The following ADAM12 variants were observed in gnomAD, a reference collection of about 807,000 sequenced individuals.
The protein encoded by ADAM12 is disintegrin and metalloproteinase domain-containing protein 12.
ADAM12 carries 70 observed loss-of-function variants against 106.4 expected under a neutral mutation model. The observed-to-expected ratio is 0.66, with a 90% CI of 0.54 to 0.80. The LOEUF (loss-of-function observed/expected upper bound fraction) is 0.80, where lower values mean the gene tolerates loss of function less well. Ranked by LOEUF, ADAM12 falls within the 30% of genes least tolerant of loss-of-function variation. The pLI is 0.00. For synonymous variants in ADAM12, 420 were observed against 433.5 expected (o/e 0.97, Z 0.39); for missense variants, 1,010 against 1,171.9 (o/e 0.86, Z 2.02).
At chr10:126,111,111 T>G (rs1413144206) in intron 6 of ADAM12, among the ~76,000 whole-genome samples, 1 of 152,194 alleles carries the variant, frequency 6.6e-6, no homozygotes. Context: ...GAAAAATGTT[T>G]GTATTATAGC....
intron 3 of ADAM12, among the ~76,000 whole-genome samples, chr10:126,171,498 T>C (rs12777779): frequency 0.071 from 10,851 of 152,304 alleles, 460 homozygotes; most frequent in Non-Finnish European, 0.1. Flanking sequence ...CTTACTTGGA[T>C]TGCATTTTTA....
intron 2 of ADAM12, among the ~76,000 whole-genome samples, chr10:126,290,176 G>A (rs1409397040): frequency 3.3e-5 from 5 of 152,120 alleles, no homozygotes; most frequent in Admixed American, 6.6e-5. Context: ...GCTGGGAACC[G>A]CCCTCAACCG....
At chr10:126,099,452 C>T (rs74232074) in intron 9 of ADAM12, among the ~76,000 whole-genome samples, 8 of 145,634 alleles carry the variant, frequency 5.5e-5, no homozygotes, top group African/African-American at 1.3e-4. Flanking sequence ...GTAGAAATTT[C>T]GGCCTTTATT....
intron 3 of ADAM12, among the ~76,000 whole-genome samples, chr10:126,262,569 T>C (rs1381214893): frequency 6.6e-6 from 1 of 152,194 alleles, no homozygotes; most frequent in Admixed American, 6.5e-5. Flanking sequence ...CAAAAAATAA[T>C]GTTTTATTTT....
chr10:126,066,871 A>G lies in ADAM12; in HGVS notation c.1324-65T>C. 6.8e-7 allele frequency: 1 copy of G among 1,461,154 alleles called. No individual in the cohort carries two copies. Among genetic ancestry groups the G allele is most frequent in the South Asian group, 1.2e-5 (1 of 85,772 alleles). 90.5% of individuals were successfully genotyped at this position (1,461,154 alleles called of 1,614,324 possible). A position where few individuals can be genotyped will look rare whatever the true frequency, so the allele number is the denominator to read the frequency against. Reference sequence around the variant, plus strand: ...GAGTATGCACTCACTGAATGCAAACATCACACCTTAAATGGCTGCAAAAAG... The same window carrying G: ...GAGTATGCACTCACTGAATGCAAACGTCACACCTTAAATGGCTGCAAAAAG... On this transcript the variant is annotated intron_variant, in intron 12 of 22. Coordinates refer to ENST00000448723, the MANE Select transcript of ADAM12 (RefSeq NM_001288973.2). The surrounding 1 kb of genome is among the most constrained non-coding windows in gnomAD (Gnocchi z 5.1).
intron 1 of ADAM12, among the ~76,000 whole-genome samples, chr10:126,358,330 G>C (rs11244966): frequency 0.073 from 11,103 of 152,220 alleles, 535 homozygotes; most frequent in East Asian, 0.18. Context: ...GAGATGGAAG[G>C]ATGTTTCAAC....
At chr10:126,161,652 T>G (rs1309809150) in intron 3 of ADAM12, among the ~76,000 whole-genome samples, 1 of 152,204 alleles carries the variant, frequency 6.6e-6, no homozygotes, top group African/African-American at 2.4e-5. Flanking sequence ...TCCAGCACCA[T>G]GACTTGCCAG....
chr10:126,225,932 C>T (rs545203824), intron 3 of ADAM12, among the ~76,000 whole-genome samples: 11 of 152,232 alleles, frequency 7.2e-5, no homozygotes, highest in African/African-American at 4.8e-5. Flanking sequence ...CGAAGCCTTT[C>T]GCAGCTTTAA....
intron 3 of ADAM12, among the ~76,000 whole-genome samples, chr10:126,237,331 T>TTATTCTATTC (rs149796367): frequency 3.3e-5 from 5 of 152,106 alleles, no homozygotes; most frequent in Non-Finnish European, 5.9e-5. Flanking sequence ...AGGACTTCTA[T>TTATTCTATTC]TATTCTATTC....
At chr10:126,040,634 A>C (rs541970782) in intron 18 of ADAM12, among the ~76,000 whole-genome samples, 1 of 152,038 alleles carries the variant, frequency 6.6e-6, no homozygotes, top group South Asian at 2.1e-4. Context: ...GCAAAATGTC[A>C]CTCTTTTCAG....
chr10:126,283,482 C>T (rs890744257), intron 2 of ADAM12, among the ~76,000 whole-genome samples: 6 of 152,154 alleles, frequency 3.9e-5, no homozygotes, highest in South Asian at 4.1e-4. Flanking sequence ...TTTAAAAAGG[C>T]GGGCAGCCCC....
intron 3 of ADAM12, among the ~76,000 whole-genome samples, chr10:126,203,395 C>A (rs1336638414): frequency 1.3e-5 from 2 of 152,186 alleles, no homozygotes; most frequent in African/African-American, 4.8e-5. Flanking sequence ...AATATTGCAA[C>A]AGACGTTTTA....
chr10:126,046,178 C>T (rs1481925746), intron 16 of ADAM12, 46 bp from the exon 17 acceptor site: 1 of 1,560,636 alleles, frequency 6.4e-7, no homozygotes, highest in East Asian at 2.2e-5. Context: ...ATTTCTCCAA[C>T]CCCTCCAGCA....
intron 3 of ADAM12, among the ~76,000 whole-genome samples, chr10:126,246,655 G>T (rs555371028): frequency 6.6e-6 from 1 of 152,144 alleles, no homozygotes; most frequent in Non-Finnish European, 1.5e-5. Context: ...TTCAAAAGAC[G>T]CAGAAAAGGC....
intron 11 of ADAM12, among the ~76,000 whole-genome samples, chr10:126,087,815 A>AT (rs71029284): frequency 0.029 from 4,457 of 152,004 alleles, 84 homozygotes; most frequent in Non-Finnish European, 0.046. Context: ...CCCTTGGGGG[A>AT]TTTTTTTCAC....
At chr10:126,364,766 A>T (rs1407141227) in intron 1 of ADAM12, among the ~76,000 whole-genome samples, 1 of 152,170 alleles carries the variant, frequency 6.6e-6, no homozygotes, top group African/African-American at 2.4e-5. Context: ...AATTATTGAT[A>T]AAAATAAGGG....
At chr10:126,311,864 A>T (rs1460788674) in intron 2 of ADAM12, among the ~76,000 whole-genome samples, 2 of 152,112 alleles carry the variant, frequency 1.3e-5, no homozygotes, top group Non-Finnish European at 2.9e-5. Context: ...TAAAGTAGCA[A>T]GACTAAGTAA....
At chr10:126,189,346 G>A (rs1957455844) in intron 3 of ADAM12, among the ~76,000 whole-genome samples, 1 of 152,144 alleles carries the variant, frequency 6.6e-6, no homozygotes, top group Non-Finnish European at 1.5e-5. Context: ...TATACGGTGG[G>A]GAGTGTAGGA....
chr10:126,154,750 A>G (rs879688469), intron 4 of ADAM12, among the ~76,000 whole-genome samples: 3 of 152,288 alleles, frequency 2.0e-5, no homozygotes, highest in Middle Eastern at 3.4e-3. Flanking sequence ...ACTGCCTGAG[A>G]GGGGATAAAT....
Sources: gnomAD v4.1 joint callset for allele counts (sites outside exome capture counted in the v4.1 genomes callset) on GRCh38, gnomAD v4.1.1 for gene constraint, Gnocchi (gnomAD v3.1) non-coding constraint, MANE v1.5 for transcripts, NCBI Gene and HGNC (gene_info 2026-07-23, HGNC 2026-07-21) for gene names.